The following PITPNM3 variants were observed in gnomAD, a reference collection of about 807,000 sequenced individuals.
The protein encoded by PITPNM3 is membrane-associated phosphatidylinositol transfer protein 3.
In PITPNM3, 26 loss-of-function variants were observed where a neutral mutation model predicts 102.0. That is an observed-to-expected ratio of 0.25 (90% CI 0.19 to 0.35). PITPNM3 has a LOEUF of 0.35. PITPNM3 is among the 10% of genes least tolerant of loss of function. The pLI is 1.00. For missense variants in PITPNM3, 1,083 were observed against 1,346.1 expected (o/e 0.80, Z 3.06); for synonymous variants, 578 against 558.6 (o/e 1.03, Z -0.49).
Position 6,464,763 on chromosome 17 carries a change from C to G in PITPNM3, c.1899G>C (p.Thr633=), listed in dbSNP as rs370756871. The change falls in exon 15 of 20, where the codon ACG becomes ACC. Residue 633 remains threonine, a synonymous_variant. Transcript: ENST00000262483. The stretch of plus-strand genomic sequence containing the variant: ...TCACATCATTGGCCCGGTGATTAGC[C>G]GTGACATTCTGGAAGGACAGAAAGA... ...KRTQVKLRNV[T]ANHRANDVIA... The G allele has an allele frequency of 2.5e-6, 4 of 1,614,164 alleles. 1 individual carries two copies. In the South Asian group the frequency reaches 4.4e-5, roughly 18 times the overall value.
At chr17:6,456,999 C>T (rs559975053) in intron 19 of PITPNM3, among the ~76,000 whole-genome samples, 1 of 152,314 alleles carries the variant, frequency 6.6e-6, no homozygotes, top group African/African-American at 2.4e-5. Flanking sequence ...TCCTGAATCA[C>T]ACACCTGCTC....
intron 1 of PITPNM3, among the ~76,000 whole-genome samples, chr17:6,545,745 C>T (rs973296094): frequency 6.6e-6 from 1 of 151,980 alleles, no homozygotes; most frequent in Non-Finnish European, 1.5e-5. Flanking sequence ...GAGGCCAGCC[C>T]GGGTGCCTGT....
chr17:6,514,788 A>G (rs1373606347), intron 3 of PITPNM3, among the ~76,000 whole-genome samples: 1 of 152,234 alleles, frequency 6.6e-6, no homozygotes, highest in Non-Finnish European at 1.5e-5. Flanking sequence ...ATCCACACAA[A>G]AACTTGCATA....
At chr17:6,540,650 C>A (rs753882582) in intron 1 of PITPNM3, among the ~76,000 whole-genome samples, 15 of 151,998 alleles carry the variant, frequency 9.9e-5, no homozygotes, top group Non-Finnish European at 1.8e-4. Flanking sequence ...AAATGTATAC[C>A]TGCCTTGGTG....
At chr17:6,541,714 A>G (rs1909742857) in intron 1 of PITPNM3, among the ~76,000 whole-genome samples, 1 of 152,188 alleles carries the variant, frequency 6.6e-6, no homozygotes, top group Non-Finnish European at 1.5e-5. Context: ...GCAGGTGGGC[A>G]TGACGACCCC....
chr17:6,456,732 G>A (rs1914133553), intron 19 of PITPNM3, among the ~76,000 whole-genome samples: 1 of 152,108 alleles, frequency 6.6e-6, no homozygotes, highest in Non-Finnish European at 1.5e-5. Context: ...ATGCCCCAGA[G>A]GGAGGTCAAC....
At chr17:6,463,417 G>GGGAGGGAGGCATGGAGGGAA (rs1904576530) in intron 17 of PITPNM3, among the ~76,000 whole-genome samples, 2 of 58,722 alleles carry the variant, frequency 3.4e-5, no homozygotes, top group Non-Finnish European at 4.0e-5. Flanking sequence ...CACGAGTGCA[G>GGGAGGGAGGCATGGAGGGAA]GGAGGGAGGC....
chr17:6,534,316 A>T (rs184315084), intron 2 of PITPNM3, among the ~76,000 whole-genome samples: 80 of 152,268 alleles, frequency 5.3e-4, no homozygotes, highest in Admixed American at 1.0e-3. Flanking sequence ...AGGAGTTGTT[A>T]TGGTTCCAGA....
intron 3 of PITPNM3, among the ~76,000 whole-genome samples, chr17:6,518,147 G>A (rs956347476): frequency 4.6e-5 from 7 of 152,138 alleles, no homozygotes; most frequent in Admixed American, 1.3e-4. Flanking sequence ...CACATTGTCC[G>A]ATCATAGTGG....
At chr17:6,534,882 A>C (rs1438973476) in intron 2 of PITPNM3, among the ~76,000 whole-genome samples, 1 of 152,154 alleles carries the variant, frequency 6.6e-6, no homozygotes, top group Non-Finnish European at 1.5e-5. Context: ...GGCAGCAATG[A>C]GACTGCCATA....
At chr17:6,479,420 T>C (rs770063723) in intron 6 of PITPNM3, 28 of 152,734 alleles carry the variant, frequency 1.8e-4, no homozygotes, top group African/African-American at 6.3e-4. Context: ...GGAAATCCCC[T>C]CCTCTCTGGG....
At chr17:6,492,352 T>G (rs12950322) in intron 4 of PITPNM3, among the ~76,000 whole-genome samples, 4 of 151,306 alleles carry the variant, frequency 2.6e-5, no homozygotes, top group African/African-American at 9.7e-5. Context: ...CATGAGCCAC[T>G]GTGCCCAGCC....
chr17:6,460,539 A>G (rs1296060285), intron 18 of PITPNM3: 3 of 152,482 alleles, frequency 2.0e-5, no homozygotes, highest in African/African-American at 7.2e-5. Context: ...AAAAGCAATC[A>G]TAGACAATAC....
chr17:6,548,196 C>T (rs1910128277), intron 1 of PITPNM3, among the ~76,000 whole-genome samples: 1 of 152,202 alleles, frequency 6.6e-6, no homozygotes, highest in African/African-American at 2.4e-5. Context: ...ACTCATACCA[C>T]CTGCCACTGC....
At chr17:6,511,006 T>C (rs1302166641) in intron 3 of PITPNM3, among the ~76,000 whole-genome samples, 1 of 152,192 alleles carries the variant, frequency 6.6e-6, no homozygotes, top group African/African-American at 2.4e-5. Context: ...CAGGAAGCCA[T>C]GAATATCAGA....
intron 2 of PITPNM3, among the ~76,000 whole-genome samples, chr17:6,535,058 G>A (rs1352751447): frequency 1.3e-5 from 2 of 152,136 alleles, no homozygotes; most frequent in African/African-American, 2.4e-5. Flanking sequence ...GGGAAACCCA[G>A]GGAGCTCTGG....
intron 1 of PITPNM3, among the ~76,000 whole-genome samples, chr17:6,544,325 G>A (rs971424548): frequency 3.3e-5 from 5 of 152,154 alleles, no homozygotes; most frequent in African/African-American, 1.2e-4. Context: ...AGGAGTTTGA[G>A]ACCAGCCACG....
chr17:6,493,774 C>T (rs551706442), intron 4 of PITPNM3, among the ~76,000 whole-genome samples: 10 of 152,358 alleles, frequency 6.6e-5, no homozygotes, highest in African/African-American at 2.4e-4. Flanking sequence ...TACCCCAGAC[C>T]AGGGCCTGGC....
chr17:6,507,208 G>T (rs1907579473), intron 3 of PITPNM3, among the ~76,000 whole-genome samples: 1 of 152,198 alleles, frequency 6.6e-6, no homozygotes, highest in African/African-American at 2.4e-5. Context: ...GAGGCTTCAA[G>T]GCGGCAGGAG....
Sources: allele counts gnomAD v4.1 joint callset (sites outside exome capture counted in the v4.1 genomes callset), GRCh38; gene constraint gnomAD v4.1.1; transcripts MANE v1.5; gene names NCBI Gene and HGNC (gene_info 2026-07-23, HGNC 2026-07-21).